SLC39A12: variants seen among roughly 807,000 people sequenced by gnomAD.
SLC39A12 encodes the protein solute carrier family 39 member 12.
A neutral mutation model predicts 71.1 loss-of-function variants in SLC39A12; 63 were observed. That is an observed-to-expected ratio of 0.89 (90% CI 0.72 to 1.09). The LOEUF is 1.09. SLC39A12 is among the 50% of genes least tolerant of loss of function. The probability of loss-of-function intolerance (pLI) is 0.00; values close to 1 mark genes in which losing one functional copy is unlikely to be tolerated. For missense variants in SLC39A12, 892 were observed against 812.6 expected, an observed-to-expected ratio of 1.10 and a Z score of -1.19; for synonymous variants, 351 against 301.3, an observed-to-expected ratio of 1.16 and a Z score of -1.71.
intron 12 of SLC39A12, among the ~76,000 whole-genome samples, chr10:18,025,254 T>G (rs1253064245): frequency 6.6e-6 from 1 of 152,134 alleles, no homozygotes; most frequent in Non-Finnish European, 1.5e-5. Flanking sequence ...TTATTATACT[T>G]TAAGTTTTAG....
chr10:17,961,671 C>A lies in SLC39A12; in HGVS notation c.352C>A (p.Leu118Ile), dbSNP rs782386131. 10 of 1,613,802 alleles carry A rather than the reference C, an allele frequency of 6.2e-6. No individual in the cohort carries two copies. Among genetic ancestry groups the A allele is most frequent in the Non-Finnish European group, 5.9e-6 (7 of 1,179,852 alleles). The change falls in exon 3 of 13, where the codon CTT becomes ATT. Residue 118 changes from leucine to isoleucine, a missense_variant. Leu to Ile is a conservative substitution (Grantham distance 5, BLOSUM62 2). Coordinates refer to ENST00000377369, the MANE Select transcript of SLC39A12 (RefSeq NM_001145195.2). Reference protein sequence around the residue: ...EEVVQRVSLLLLYYIIHQEEI... With the variant: ...EEVVQRVSLLILYYIIHQEEI... ...AGTGGTCCAGAGAGTTTCTCTTCTCCTTCTCTATTACATTATTCATCAGGA... is the reference window on the plus strand; with the variant it reads ...AGTGGTCCAGAGAGTTTCTCTTCTCATTCTCTATTACATTATTCATCAGGA...
chr10:18,015,234 A>G (rs1016024146), intron 12 of SLC39A12, among the ~76,000 whole-genome samples: 8 of 135,406 alleles, frequency 5.9e-5, no homozygotes, highest in African/African-American at 8.0e-5. Context: ...CTATATATCT[A>G]TATATCTGTT....
At chr10:17,973,295 T>C (rs762248415) in intron 4 of SLC39A12, among the ~76,000 whole-genome samples, 2 of 152,148 alleles carry the variant, frequency 1.3e-5, no homozygotes, top group Non-Finnish European at 2.9e-5. Flanking sequence ...TACAGTGTTA[T>C]AGAATTCTGT....
At chr10:17,982,366 C>T (rs1300476697) in intron 6 of SLC39A12, among the ~76,000 whole-genome samples, 4 of 152,074 alleles carry the variant, frequency 2.6e-5, no homozygotes, top group African/African-American at 9.7e-5. Context: ...TTGAGAACAT[C>T]CATGTTATCT....
rs766893728 is a variant in SLC39A12 at position 17,978,062 on chromosome 10, T to A, written c.912T>A (p.Val304=). Reference sequence around the variant, plus strand: ...AAAAAGAGTCTGAGGATGGTCCAGTTTCCTGGGATCAGGTATTGCCATTGT... The same window carrying A: ...AAAAAGAGTCTGAGGATGGTCCAGTATCCTGGGATCAGGTATTGCCATTGT... The part of the protein sequence containing the change: ...SMEKESEDGP[V]SWDQTCFSAR... Residue 304 remains valine (V), a synonymous_variant, in exon 5 of 13, where the codon GTT becomes GTA. Transcript: ENST00000377369. 2.5e-6 allele frequency: 4 copies of A among 1,586,880 alleles called. No homozygotes were observed. Among genetic ancestry groups the A allele is most frequent in the Non-Finnish European group, 3.4e-6 (4 of 1,170,484 alleles).
intron 4 of SLC39A12, among the ~76,000 whole-genome samples, chr10:17,971,295 C>T (rs1323464203): frequency 2.3e-5 from 3 of 129,602 alleles, no homozygotes; most frequent in Admixed American, 8.0e-5. Context: ...CCCTCCCCTC[C>T]CCTTCCTTTC....
At chr10:18,037,884 G>T (rs1202326545) in intron 12 of SLC39A12, among the ~76,000 whole-genome samples, 1 of 151,794 alleles carries the variant, frequency 6.6e-6, no homozygotes, top group Non-Finnish European at 1.5e-5. Flanking sequence ...GCCAGGCATG[G>T]TGGTGCGTGC....
intron 12 of SLC39A12, among the ~76,000 whole-genome samples, chr10:18,040,288 A>T (rs1233181038): frequency 6.6e-6 from 1 of 152,132 alleles, no homozygotes; most frequent in Non-Finnish European, 1.5e-5. Flanking sequence ...AGAGCATGTA[A>T]TTTGTTTAAA....
intron 2 of SLC39A12, among the ~76,000 whole-genome samples, 156 bp from the exon 3 acceptor site, chr10:17,961,425 G>A (rs1254363419): frequency 2.0e-5 from 3 of 152,102 alleles, no homozygotes; most frequent in Non-Finnish European, 2.9e-5. Flanking sequence ...ATTGTTATGC[G>A]GGAGTCCAAC....
At chr10:18,013,346 T>TTATTATTA (rs3064543) in intron 12 of SLC39A12, among the ~76,000 whole-genome samples, 1 of 139,846 alleles carries the variant, frequency 7.2e-6, no homozygotes, top group Non-Finnish European at 1.5e-5. Flanking sequence ...TCCAACTTTA[T>TTATTATTA]TTATTATTAT....
intron 12 of SLC39A12, among the ~76,000 whole-genome samples, chr10:18,003,672 T>C (rs1052665785): frequency 6.6e-6 from 1 of 152,224 alleles, no homozygotes; most frequent in African/African-American, 2.4e-5. Flanking sequence ...CAAAAAGTAA[T>C]CATCAGCTCA....
At chr10:18,033,183 T>G (rs2130895201) in intron 12 of SLC39A12, among the ~76,000 whole-genome samples, 1 of 140,014 alleles carries the variant, frequency 7.1e-6, no homozygotes, top group African/African-American at 2.7e-5. Context: ...TTAGGGAGGA[T>G]TCCCTCTTTT....
chr10:17,982,346 A>G (rs2085860400), intron 6 of SLC39A12, among the ~76,000 whole-genome samples: 1 of 152,214 alleles, frequency 6.6e-6, no homozygotes, highest in African/African-American at 2.4e-5. Flanking sequence ...TTAAAAGACA[A>G]AACAAATGGT....
intron 12 of SLC39A12, among the ~76,000 whole-genome samples, chr10:18,039,025 A>C (rs999543071): frequency 6.6e-6 from 1 of 152,186 alleles, no homozygotes; most frequent in Non-Finnish European, 1.5e-5. Flanking sequence ...TCCACTCAAA[A>C]TAATCGTGAT....
chr10:18,024,807 T>G (rs1373239694), intron 12 of SLC39A12, among the ~76,000 whole-genome samples: 2 of 152,234 alleles, frequency 1.3e-5, no homozygotes, highest in African/African-American at 2.4e-5. Context: ...ACATACACAT[T>G]AAGGATTTTA....
At chr10:17,984,783 A>G (rs2130814923) in intron 6 of SLC39A12, among the ~76,000 whole-genome samples, 1 of 152,344 alleles carries the variant, frequency 6.6e-6, no homozygotes, top group East Asian at 1.9e-4. Flanking sequence ...AGATAATAGA[A>G]CTTTTTCATC....
At chr10:18,037,778 C>CTT (rs996066100) in intron 12 of SLC39A12, among the ~76,000 whole-genome samples, 1 of 152,040 alleles carries the variant, frequency 6.6e-6, no homozygotes, top group Non-Finnish European at 1.5e-5. Context: ...AATCCCAGCA[C>CTT]TTTGGGAGGC....
At chr10:18,041,558 GCACACATA>G (rs1837227547) in intron 12 of SLC39A12, among the ~76,000 whole-genome samples, 1 of 109,720 alleles carries the variant, frequency 9.1e-6, no homozygotes, top group African/African-American at 3.6e-5. Flanking sequence ...ACACACACAC[GCACACATA>G]CACACACACA....
In SLC39A12 at chr10:17,991,256, T is replaced by C; in HGVS notation, c.1375T>C (p.Phe459Leu). 6.3e-7 allele frequency: 1 copy of C among 1,597,372 alleles called. No individual in the cohort carries two copies. The highest frequency in any genetic ancestry group is 1.2e-5 in the South Asian group (1 of 85,744). ...MGLIGGIHGF[F>L]LIEKCFILLV... ...ATTAATTGGAGGCATCCATGGATTT[T>C]TCTTGATAGAAAAATGTTTTATTCT... Residue 459 changes from phenylalanine (F) to leucine (L), a missense_variant, in exon 8 of 13, where the codon TTC (phenylalanine) becomes CTC (leucine). Transcript: ENST00000377369.
Sources: allele counts gnomAD v4.1 joint callset (sites outside exome capture counted in the v4.1 genomes callset), GRCh38; gene constraint gnomAD v4.1.1; transcripts MANE v1.5; gene names NCBI Gene and HGNC (gene_info 2026-07-23, HGNC 2026-07-21).